ADAMTS6: variants seen among roughly 807,000 people sequenced by gnomAD.
ADAMTS6 encodes A disintegrin and metalloproteinase with thrombospondin motifs 6.
Under a neutral mutation model 144.3 loss-of-function variants are expected in ADAMTS6, and 23 were observed. That is an observed-to-expected ratio of 0.16 (90% CI 0.11 to 0.23). The LOEUF (loss-of-function observed/expected upper bound fraction) is 0.23, where lower values mean the gene tolerates loss of function less well. ADAMTS6 is among the 10% of genes least tolerant of loss of function. The pLI is 1.00. For synonymous variants in ADAMTS6, 444 were observed against 457.5 expected (o/e 0.97, Z 0.38); for missense variants, 999 against 1,379.6 (o/e 0.72, Z 4.37).
chr5:65,351,720 C>T (rs1424099946), intron 7 of ADAMTS6, among the ~76,000 whole-genome samples: 1 of 151,944 alleles, frequency 6.6e-6, no homozygotes, highest in Non-Finnish European at 1.5e-5. Context: ...AATTTGAAGC[C>T]CCTGTGTGCT....
intron 11 of ADAMTS6, among the ~76,000 whole-genome samples, chr5:65,280,458 G>T (rs1762902012): frequency 6.6e-6 from 1 of 152,122 alleles, no homozygotes; most frequent in Non-Finnish European, 1.5e-5. Flanking sequence ...CAACCACCAT[G>T]TTGAATTATA....
At chr5:65,393,733 A>G (rs1753107336) in intron 7 of ADAMTS6, among the ~76,000 whole-genome samples, 1 of 152,194 alleles carries the variant, frequency 6.6e-6, no homozygotes, top group Non-Finnish European at 1.5e-5. Flanking sequence ...TTAGGAGCCT[A>G]TCTTTTGTTA....
At chr5:65,156,388 C>G (rs1171443467) in intron 24 of ADAMTS6, among the ~76,000 whole-genome samples, 1 of 151,868 alleles carries the variant, frequency 6.6e-6, no homozygotes, top group Non-Finnish European at 1.5e-5. Context: ...ACCACCACCA[C>G]CACCAAAAAT....
At chr5:65,391,396 C>A (rs938582849) in intron 7 of ADAMTS6, among the ~76,000 whole-genome samples, 4 of 150,526 alleles carry the variant, frequency 2.7e-5, no homozygotes, top group African/African-American at 9.9e-5. Context: ...TTATTATTTG[C>A]AGCCATGTTC....
chr5:65,200,481 T>A (rs1281516157), intron 20 of ADAMTS6, among the ~76,000 whole-genome samples: 1 of 152,168 alleles, frequency 6.6e-6, no homozygotes, highest in Admixed American at 6.5e-5. Context: ...CGGTTGGGAA[T>A]AATTACATCC....
At chr5:65,210,559 G>T in intron 20 of ADAMTS6, 1 of 537,638 alleles carries the variant, frequency 1.9e-6, no homozygotes. Flanking sequence ...CTGCTATCTG[G>T]ATGCAGGCCT....
intron 3 of ADAMTS6, among the ~76,000 whole-genome samples, chr5:65,466,946 G>A (rs1289060118): frequency 6.6e-6 from 1 of 151,782 alleles, no homozygotes; most frequent in African/African-American, 2.4e-5. Flanking sequence ...GGAGGCTGAC[G>A]CAGGAGAATG....
chr5:65,332,326 G>GAGAGAC (rs1746840645), intron 8 of ADAMTS6, among the ~76,000 whole-genome samples: 1 of 149,230 alleles, frequency 6.7e-6, no homozygotes, highest in South Asian at 2.1e-4. Flanking sequence ...GAGAGAGAGA[G>GAGAGAC]AGAGAGAGAG....
intron 9 of ADAMTS6, among the ~76,000 whole-genome samples, chr5:65,311,234 G>A (rs1259767616): frequency 1.3e-5 from 2 of 151,996 alleles, no homozygotes; most frequent in African/African-American, 4.8e-5. Context: ...TCCCTTAATG[G>A]TGGATAATGT....
chr5:65,177,547 C>T (rs1754054068), intron 22 of ADAMTS6, among the ~76,000 whole-genome samples: 2 of 152,112 alleles, frequency 1.3e-5, no homozygotes, highest in Non-Finnish European at 2.9e-5. Context: ...GATTCTTGCC[C>T]CCCAATGTAG....
chr5:65,381,764 T>C (rs996948011), intron 7 of ADAMTS6, among the ~76,000 whole-genome samples: 1 of 151,936 alleles, frequency 6.6e-6, no homozygotes, highest in African/African-American at 2.4e-5. Flanking sequence ...CCTATAGAGA[T>C]TCTTCATAGA....
intron 20 of ADAMTS6, chr5:65,210,862 G>A (rs1756477985): frequency 1.2e-5 from 4 of 340,380 alleles, no homozygotes; most frequent in African/African-American, 8.5e-5. Context: ...TGCTGCCACA[G>A]GAGAGAATCC....
intron 9 of ADAMTS6, among the ~76,000 whole-genome samples, chr5:65,317,525 A>G (rs1182891802): frequency 6.6e-6 from 1 of 152,214 alleles, no homozygotes; most frequent in East Asian, 1.9e-4. Context: ...AATATCCCAC[A>G]AGCTAGGCAA....
intron 7 of ADAMTS6, among the ~76,000 whole-genome samples, chr5:65,348,827 AT>A (rs1748586063): frequency 6.6e-6 from 1 of 152,038 alleles, no homozygotes; most frequent in Admixed American, 6.6e-5. Context: ...AAAACAATAA[AT>A]TTTTTAAATA....
At chr5:65,190,057 T>A (rs1754913083) in intron 21 of ADAMTS6, among the ~76,000 whole-genome samples, 1 of 152,222 alleles carries the variant, frequency 6.6e-6, no homozygotes, top group Non-Finnish European at 1.5e-5. Flanking sequence ...AGAGTACTAG[T>A]ATCCTAAATT....
intron 20 of ADAMTS6, among the ~76,000 whole-genome samples, chr5:65,203,991 GGAA>G (rs1350583249): frequency 9.2e-5 from 14 of 152,188 alleles, no homozygotes; most frequent in Admixed American, 8.5e-4. Flanking sequence ...CTCGTGTTAG[GGAA>G]GAATATAATC....
intron 7 of ADAMTS6, among the ~76,000 whole-genome samples, chr5:65,402,504 T>G (rs560477757): frequency 2.0e-5 from 3 of 152,144 alleles, no homozygotes; most frequent in Admixed American, 6.6e-5. Flanking sequence ...TCCTCAAATC[T>G]ATAACATCAC....
Position 65,186,664 on chromosome 5 carries a change from G to A in ADAMTS6, c.2910+1352C>T, listed in dbSNP as rs114749681. 3.2e-3 allele frequency among the ~76,000 whole-genome samples: 485 copies of A among 152,254 alleles called. 4 individuals carry two copies. Among genetic ancestry groups the A allele is most frequent in the African/African-American group, 0.011 (451 of 41,558 alleles). On this transcript the variant is annotated intron_variant, in intron 22 of 24. Transcript: ENST00000381055. The stretch of plus-strand genomic sequence containing the variant: ...AATCAATTAGGAGTTAATGTATCCC[G>A]TTAGGGAACAGGAGAGTCCATACTG...
chr5:65,171,401 A>T (rs1753620929), intron 23 of ADAMTS6, among the ~76,000 whole-genome samples: 1 of 152,160 alleles, frequency 6.6e-6, no homozygotes, highest in South Asian at 2.1e-4. Flanking sequence ...AAAGTCAAAG[A>T]TCATGTTATT....
Sources: gnomAD v4.1 joint callset for allele counts (sites outside exome capture counted in the v4.1 genomes callset) on GRCh38, gnomAD v4.1.1 for gene constraint, MANE v1.5 for transcripts, NCBI Gene and HGNC (gene_info 2026-07-23, HGNC 2026-07-21) for gene names.